SF3B5: variants seen among roughly 807,000 people sequenced by gnomAD.
SF3B5 encodes pre-mRNA-splicing factor SF3b 10 kDa subunit.
Under a neutral mutation model 7.0 loss-of-function variants are expected in SF3B5, and 3 were observed. That is an observed-to-expected ratio of 0.43 (90% CI 0.19 to 1.10). The LOEUF (loss-of-function observed/expected upper bound fraction) is 1.10. SF3B5 is among the 50% of genes least tolerant of loss of function. The pLI, the probability that SF3B5 is intolerant of heterozygous loss-of-function variation, is 0.29. For missense variants in SF3B5, 73 were observed against 113.6 expected (o/e 0.64, Z 1.63); for synonymous variants, 51 against 44.8 (o/e 1.14, Z -0.55).
Position 144,095,552 on chromosome 6 carries a change from C to T in SF3B5, c.-55G>A. 6.2e-7 allele frequency: 1 copy of T among 1,601,056 alleles called. No homozygotes were observed. On this transcript the variant is annotated 5_prime_UTR_variant, in exon 1 of 1. Transcript: ENST00000367569. This position sits in a 1 kb window ranked among gnomAD's most constrained non-coding sequence, Gnocchi z 4.3. Reference sequence around the variant, plus strand: ...AGAGGACGCAGGTAACAACTCGCCGCTCTAGCGTTTTACAGGAGAGTGAAG... The same window carrying T: ...AGAGGACGCAGGTAACAACTCGCCGTTCTAGCGTTTTACAGGAGAGTGAAG...
In SF3B5 at chr6:144,095,524, G is replaced by A. The variant is rs765004092; in HGVS notation, c.-27C>T. ...TCGCCGCTTTCCCCTTCGCTCTCAG[G>A]TCAGAGGACGCAGGTAACAACTCGC... On this transcript the variant is annotated 5_prime_UTR_variant, in exon 1 of 1. Coordinates refer to ENST00000367569, the MANE Select transcript of SF3B5 (RefSeq NM_031287.3). The surrounding 1 kb of genome is among the most constrained non-coding windows in gnomAD (Gnocchi z 4.3). The A allele has an allele frequency of 3.1e-6, 5 of 1,611,232 alleles. No individual in the cohort carries two copies. The highest frequency in any genetic ancestry group is 1.3e-5 in the African/African-American group (1 of 74,882).
At position 144,094,967 on chromosome 6, in the gene SF3B5, G is replaced by A. The variant is rs1421435679; in HGVS notation, c.*270C>T. Reference sequence around the variant, plus strand: ...ACGCCAAATCCCATCTCACTCCAGCGCCATGCCCTCTTCTCAAACGCTCGC... The same window carrying A: ...ACGCCAAATCCCATCTCACTCCAGCACCATGCCCTCTTCTCAAACGCTCGC... On this transcript the variant is annotated 3_prime_UTR_variant, in exon 1 of 1. Coordinates refer to ENST00000367569, the MANE Select transcript of SF3B5 (RefSeq NM_031287.3). 1.3e-5 allele frequency: 7 copies of A among 539,192 alleles called. No homozygotes were observed. The highest frequency in any genetic ancestry group is 2.3e-5 in the Non-Finnish European group (7 of 299,090). The allele number at this position is 539,192 out of a possible 1,614,324, so 33.4% of individuals were successfully genotyped here. A position where few individuals can be genotyped will look rare whatever the true frequency, so the allele number is the denominator to read the frequency against.
In SF3B5 at chr6:144,095,076, G is replaced by C. The variant is rs1443100449; in HGVS notation, c.*161C>G. Reference sequence around the variant, plus strand: ...TGTTCTAAGGGTCCACATGAAGGCAGGTCAGGCGGGACTCCCCGGGCAAGC... The same window carrying C: ...TGTTCTAAGGGTCCACATGAAGGCACGTCAGGCGGGACTCCCCGGGCAAGC... On this transcript the variant is annotated 3_prime_UTR_variant, in exon 1 of 1. Transcript: ENST00000367569. This position sits in a 1 kb window ranked among gnomAD's most constrained non-coding sequence, Gnocchi z 4.3. 2 of 1,049,264 alleles carry C rather than the reference G, an allele frequency of 1.9e-6. No individual in the cohort carries two copies. The highest frequency in any genetic ancestry group is 1.6e-5 in the African/African-American group (1 of 63,810). 65.0% of individuals were successfully genotyped at this position (1,049,264 alleles called of 1,614,324 possible).
Position 144,094,987 on chromosome 6 carries a change from G to A in SF3B5, c.*250C>T. The A allele has an allele frequency of 7.0e-6, 4 of 569,860 alleles. No homozygotes were observed. The highest frequency in any genetic ancestry group is 1.2e-5 in the Non-Finnish European group (4 of 320,362). 35.3% of individuals were successfully genotyped at this position (569,860 alleles called of 1,614,324 possible). A position where few individuals can be genotyped will look rare whatever the true frequency, so the allele number is the denominator to read the frequency against. On this transcript the variant is annotated 3_prime_UTR_variant, in exon 1 of 1. Coordinates refer to ENST00000367569, the MANE Select transcript of SF3B5 (RefSeq NM_031287.3). Reference sequence around the variant, plus strand: ...CCAGCGCCATGCCCTCTTCTCAAACGCTCGCCGGCTCTAGGACCTCTCCAC... The same window carrying A: ...CCAGCGCCATGCCCTCTTCTCAAACACTCGCCGGCTCTAGGACCTCTCCAC...
In SF3B5 at chr6:144,095,255, G is replaced by T. The variant is rs770057025; in HGVS notation, c.243C>A (p.Asp81Glu). 6.2e-7 allele frequency: 1 copy of T among 1,614,212 alleles called. No individual in the cohort carries two copies. The highest frequency in any genetic ancestry group is 1.1e-5 in the South Asian group (1 of 91,082). Residue 81 changes from aspartate (D) to glutamate (E), a missense_variant, in exon 1 of 1, where the codon GAC (aspartate) becomes GAA (glutamate). Asp to Glu is a conservative substitution (Grantham distance 45, BLOSUM62 2). This residue lies in a region of SF3B5 where 67 missense variants were observed against 82.7 expected (regional missense o/e 0.81). Transcript: ENST00000367569. This position sits in a 1 kb window ranked among gnomAD's most constrained non-coding sequence, Gnocchi z 4.3. ...KMLQPCGPPA[D>E]KPEEN ...CAGAGTCTCAGTTCTCCTCGGGCTT[G>T]TCGGCTGGCGGTCCACAAGGCTGAA...
In SF3B5 at chr6:144,095,369, G is replaced by A; in HGVS notation, c.129C>T (p.Tyr43=). 6.2e-7 allele frequency: 1 copy of A among 1,614,272 alleles called. No individual in the cohort carries two copies. The highest frequency in any genetic ancestry group is 8.5e-7 in the Non-Finnish European group (1 of 1,180,050). Residue 43 remains tyrosine, a synonymous_variant, in exon 1 of 1, where the codon TAC becomes TAT. Transcript: ENST00000367569. The surrounding 1 kb of genome is among the most constrained non-coding windows in gnomAD (Gnocchi z 4.3). ...AGTTGAGAAGGTCGAAGTGGCCCAT[G>A]TAGGAGCAGTACGAGTCGCGGTGTT... ...VNQHRDSYCS[Y]MGHFDLLNYF...
Position 144,095,109 on chromosome 6 carries a change from T to C in SF3B5, c.*128A>G, listed in dbSNP as rs1800118701. 4.8e-6 allele frequency: 7 copies of C among 1,451,932 alleles called. No individual in the cohort carries two copies. The highest frequency in any genetic ancestry group is 5.6e-6 in the Non-Finnish European group (6 of 1,062,132). 89.9% of individuals were successfully genotyped at this position (1,451,932 alleles called of 1,614,324 possible). On this transcript the variant is annotated 3_prime_UTR_variant, in exon 1 of 1. Transcript: ENST00000367569. The surrounding 1 kb of genome is among the most constrained non-coding windows in gnomAD (Gnocchi z 4.3). ...GGGACTCCCCGGGCAAGCACTTCTG[T>C]ACGCGGAAAGCACGAGGCGCAGGAG...
At position 144,095,277 on chromosome 6, in the gene SF3B5, T is replaced by C; in HGVS notation, c.221A>G (p.Gln74Arg). ...CTTGTCGGCTGGCGGTCCACAAGGC[T>C]GAAGCATCTTTTCCATCAAGTTGAA... ...VRFNLMEKML[Q>R]PCGPPADKPE... Residue 74 changes from glutamine to arginine, a missense_variant, in exon 1 of 1, where the codon CAG becomes CGG. Transcript: ENST00000367569. The surrounding 1 kb of genome is among the most constrained non-coding windows in gnomAD (Gnocchi z 4.3). 1 of 1,614,260 alleles carries C rather than the reference T, an allele frequency of 6.2e-7. No homozygotes were observed. The highest frequency in any genetic ancestry group is 8.5e-7 in the Non-Finnish European group (1 of 1,180,046).
chr6:144,095,072 G>T lies in SF3B5; in HGVS notation c.*165C>A. ...GTGCTGTTCTAAGGGTCCACATGAA[G>T]GCAGGTCAGGCGGGACTCCCCGGGC... On this transcript the variant is annotated 3_prime_UTR_variant, in exon 1 of 1. Coordinates refer to ENST00000367569, the MANE Select transcript of SF3B5 (RefSeq NM_031287.3). This position sits in a 1 kb window ranked among gnomAD's most constrained non-coding sequence, Gnocchi z 4.3. 2.0e-6 allele frequency: 2 copies of T among 989,822 alleles called. No homozygotes were observed. The highest frequency in any genetic ancestry group is 3.1e-6 in the Non-Finnish European group (2 of 653,162). The allele number at this position is 989,822 out of a possible 1,614,324, so 61.3% of individuals were successfully genotyped here.
chr6:144,094,937 A>T lies in SF3B5; in HGVS notation c.*300T>A, dbSNP rs1272900038. On this transcript the variant is annotated 3_prime_UTR_variant, in exon 1 of 1. Coordinates refer to ENST00000367569, the MANE Select transcript of SF3B5 (RefSeq NM_031287.3). ...GCCAATGACAATCAATTAGCCAAAA[A>T]CGAGACGCCAAATCCCATCTCACTC... 4.4e-6 allele frequency: 2 copies of T among 450,040 alleles called. No homozygotes were observed. Among genetic ancestry groups the T allele is most frequent in the African/African-American group, 1.9e-5 (1 of 51,338 alleles). The allele number at this position is 450,040 out of a possible 1,614,324, so 27.9% of individuals were successfully genotyped here. A position where few individuals can be genotyped will look rare whatever the true frequency, so the allele number is the denominator to read the frequency against.
chr6:144,095,555 T>C lies in SF3B5; in HGVS notation c.-58A>G. 23 of 1,599,272 alleles carry C rather than the reference T, an allele frequency of 1.4e-5. No individual in the cohort carries two copies. The highest frequency in any genetic ancestry group is 1.9e-5 in the Non-Finnish European group (22 of 1,170,508). On this transcript the variant is annotated 5_prime_UTR_variant, in exon 1 of 1. Transcript: ENST00000367569. This position sits in a 1 kb window ranked among gnomAD's most constrained non-coding sequence, Gnocchi z 4.3. ...GGACGCAGGTAACAACTCGCCGCTC[T>C]AGCGTTTTACAGGAGAGTGAAGCCA... is the stretch of plus-strand genomic sequence containing the variant.
chr6:144,095,005 C>T lies in SF3B5; in HGVS notation c.*232G>A. 1 of 625,188 alleles carries T rather than the reference C, an allele frequency of 1.6e-6. No individual in the cohort carries two copies. The highest frequency in any genetic ancestry group is 2.8e-6 in the Non-Finnish European group (1 of 359,892). 38.7% of individuals were successfully genotyped at this position (625,188 alleles called of 1,614,324 possible). On this transcript the variant is annotated 3_prime_UTR_variant, in exon 1 of 1. Coordinates refer to ENST00000367569, the MANE Select transcript of SF3B5 (RefSeq NM_031287.3). The surrounding 1 kb of genome is among the most constrained non-coding windows in gnomAD (Gnocchi z 4.3). ...CTCAAACGCTCGCCGGCTCTAGGAC[C>T]TCTCCACCAGCACAGTTCTCAGGAG... is the stretch of plus-strand genomic sequence containing the variant.
Position 144,095,387 on chromosome 6 carries a change from G to A in SF3B5, c.111C>T (p.Arg37=), listed in dbSNP as rs2128739326. 1 of 1,614,222 alleles carries A rather than the reference G, an allele frequency of 6.2e-7. No homozygotes were observed. The highest frequency in any genetic ancestry group is 2.2e-5 in the East Asian group (1 of 44,888). Residue 37 remains arginine (R), a synonymous_variant, in exon 1 of 1, where the codon CGC becomes CGT. Coordinates refer to ENST00000367569, the MANE Select transcript of SF3B5 (RefSeq NM_031287.3). This position sits in a 1 kb window ranked among gnomAD's most constrained non-coding sequence, Gnocchi z 4.3. ...TKWEWLVNQH[R]DSYCSYMGHF... is the part of the protein sequence containing the mutation. ...GGCCCATGTAGGAGCAGTACGAGTC[G>A]CGGTGTTGGTTCACCAGCCACTCCC...
rs113834184 is a variant in SF3B5 at position 144,095,569 on chromosome 6, A to G, written c.-72T>C. 7 of 1,577,204 alleles carry G rather than the reference A, an allele frequency of 4.4e-6. No homozygotes were observed. Among genetic ancestry groups the G allele is most frequent in the Non-Finnish European group, 6.0e-6 (7 of 1,157,672 alleles). On this transcript the variant is annotated 5_prime_UTR_variant, in exon 1 of 1. Coordinates refer to ENST00000367569, the MANE Select transcript of SF3B5 (RefSeq NM_031287.3). This position sits in a 1 kb window ranked among gnomAD's most constrained non-coding sequence, Gnocchi z 4.3. ...ACTCGCCGCTCTAGCGTTTTACAGG[A>G]GAGTGAAGCCACCGCGCGGAAGCTC... is the stretch of plus-strand genomic sequence containing the variant.
chr6:144,095,265 G>T lies in SF3B5; in HGVS notation c.233C>A (p.Pro78Gln). 6.2e-7 allele frequency: 1 copy of T among 1,614,198 alleles called. No individual in the cohort carries two copies. The highest frequency in any genetic ancestry group is 8.5e-7 in the Non-Finnish European group (1 of 1,180,044). ...GTTCTCCTCGGGCTTGTCGGCTGGC[G>T]GTCCACAAGGCTGAAGCATCTTTTC... Reference protein sequence around the residue: ...LMEKMLQPCGPPADKPEEN With the variant: ...LMEKMLQPCGQPADKPEEN The change falls in exon 1 of 1, where the codon CCG (proline) becomes CAG (glutamine). Residue 78 changes from proline to glutamine, a missense_variant. Physicochemically the swap from Pro to Gln is moderately conservative, Grantham distance 76 (BLOSUM62 -1). Around this residue, in one of 2 missense-constraint regions of SF3B5, gnomAD observed 67 missense variants for 82.7 expected, o/e 0.81. Coordinates refer to ENST00000367569, the MANE Select transcript of SF3B5 (RefSeq NM_031287.3). The surrounding 1 kb of genome is among the most constrained non-coding windows in gnomAD (Gnocchi z 4.3).
rs1373740340 is a variant in SF3B5, at chr6:144,094,921, A to C, written c.*316T>G. 4.9e-6 allele frequency: 2 copies of C among 406,716 alleles called. No individual in the cohort carries two copies. The highest frequency in any genetic ancestry group is 9.2e-6 in the Non-Finnish European group (2 of 217,758). 25.2% of individuals were successfully genotyped at this position (406,716 alleles called of 1,614,324 possible). ...AAACTTTATGGAAAAAGCCAATGAC[A>C]ATCAATTAGCCAAAAACGAGACGCC... On this transcript the variant is annotated 3_prime_UTR_variant, in exon 1 of 1. Coordinates refer to ENST00000367569, the MANE Select transcript of SF3B5 (RefSeq NM_031287.3).
In SF3B5 at chr6:144,094,995, G is replaced by A. The variant is rs1054616; in HGVS notation, c.*242C>T. ...ATGCCCTCTTCTCAAACGCTCGCCG[G>A]CTCTAGGACCTCTCCACCAGCACAG... On this transcript the variant is annotated 3_prime_UTR_variant, in exon 1 of 1. Transcript: ENST00000367569. 4.2e-5 allele frequency: 25 copies of A among 598,082 alleles called. No homozygotes were observed. The South Asian group carries it at 4.7e-4, about 11-fold the overall frequency. 37.0% of individuals were successfully genotyped at this position (598,082 alleles called of 1,614,324 possible). A position where few individuals can be genotyped will look rare whatever the true frequency, so the allele number is the denominator to read the frequency against.
Position 144,095,188 on chromosome 6 carries a change from G to A in SF3B5, c.*49C>T, listed in dbSNP as rs1163607437. On this transcript the variant is annotated 3_prime_UTR_variant, in exon 1 of 1. Transcript: ENST00000367569. This position sits in a 1 kb window ranked among gnomAD's most constrained non-coding sequence, Gnocchi z 4.3. Reference sequence around the variant, plus strand: ...GAATACTTAAGAGGATTGGCAAACCGGAGAAACGCTGGGAGAGGTGCCCCG... The same window carrying A: ...GAATACTTAAGAGGATTGGCAAACCAGAGAAACGCTGGGAGAGGTGCCCCG... 8 of 1,608,794 alleles carry A rather than the reference G, an allele frequency of 5.0e-6. No individual in the cohort carries two copies. In the Admixed American group the frequency reaches 1.3e-4, roughly 27 times the overall value.
At position 144,095,530 on chromosome 6, in the gene SF3B5, G is replaced by T. The variant is rs189691392; in HGVS notation, c.-33C>A. 6.2e-7 allele frequency: 1 copy of T among 1,610,336 alleles called. No individual in the cohort carries two copies. The highest frequency in any genetic ancestry group is 1.1e-5 in the South Asian group (1 of 90,996). ...CTTTCCCCTTCGCTCTCAGGTCAGAGGACGCAGGTAACAACTCGCCGCTCT... is the reference window on the plus strand; with the variant it reads ...CTTTCCCCTTCGCTCTCAGGTCAGATGACGCAGGTAACAACTCGCCGCTCT... On this transcript the variant is annotated 5_prime_UTR_variant, in exon 1 of 1. Coordinates refer to ENST00000367569, the MANE Select transcript of SF3B5 (RefSeq NM_031287.3). This position sits in a 1 kb window ranked among gnomAD's most constrained non-coding sequence, Gnocchi z 4.3.
Sources: gnomAD v4.1 joint callset for allele counts on GRCh38, gnomAD v4.1.1 for gene constraint, gnomAD v4.1.1 regional missense constraint, Gnocchi (gnomAD v3.1) non-coding constraint, MANE v1.5 for transcripts, NCBI Gene and HGNC (gene_info 2026-07-23, HGNC 2026-07-21) for gene names.